Variants in LRP1B observed in about 807,000 individuals in gnomAD.
LRP1B encodes low-density lipoprotein receptor-related protein 1B.
In LRP1B, 217 loss-of-function variants were observed where a neutral mutation model predicts 556.6. The ratio of observed to expected loss-of-function variants is 0.39; its 90% CI spans 0.35 to 0.44. The LOEUF (loss-of-function observed/expected upper bound fraction) is 0.44. LRP1B is among the 20% of genes least tolerant of loss of function. LRP1B has a pLI of 1.00. For synonymous variants in LRP1B, 2,047 were observed against 1,865.8 expected, an observed-to-expected ratio of 1.10 and a Z score of -2.50; for missense variants, 5,053 against 5,620.8, an observed-to-expected ratio of 0.90 and a Z score of 3.23.
At chr2:141,644,843 GATCCATCT>G (rs1287851099) in intron 2 of LRP1B, among the ~76,000 whole-genome samples, 1 of 151,454 alleles carries the variant, frequency 6.6e-6, no homozygotes, top group Non-Finnish European at 1.5e-5. Context: ...CATTCCTCCT[GATCCATCT>G]ATCAGCATCA....
chr2:140,364,961 G>A (rs1558831530), intron 71 of LRP1B, among the ~76,000 whole-genome samples, 178 bp from the exon 72 acceptor site: 1 of 151,154 alleles, frequency 6.6e-6, no homozygotes, highest in African/African-American at 2.4e-5. Flanking sequence ...TTAATAACAT[G>A]TATTCATTGT....
At chr2:141,518,796 A>G (rs910086644) in intron 2 of LRP1B, among the ~76,000 whole-genome samples, 10 of 152,078 alleles carry the variant, frequency 6.6e-5, no homozygotes, top group African/African-American at 2.4e-4. Context: ...TAAAAATTCA[A>G]AAAATTAGCC....
intron 66 of LRP1B, among the ~76,000 whole-genome samples, chr2:140,410,744 A>G (rs1414037552): frequency 2.0e-5 from 3 of 152,152 alleles, no homozygotes; most frequent in African/African-American, 4.8e-5. Flanking sequence ...ATTACTACAA[A>G]CAGCAAAGAA....
chr2:140,674,669 C>T (rs956206682), intron 41 of LRP1B, among the ~76,000 whole-genome samples: 22 of 152,180 alleles, frequency 1.4e-4, no homozygotes, highest in African/African-American at 5.3e-4. Context: ...ATGTATAAAA[C>T]CACGCTGTAA....
intron 77 of LRP1B, among the ~76,000 whole-genome samples, chr2:140,338,871 C>A (rs1044230668): frequency 6.6e-6 from 1 of 151,576 alleles, no homozygotes; most frequent in African/African-American, 2.4e-5. Flanking sequence ...ATAAAAATTT[C>A]ACTTGCCCCA....
intron 79 of LRP1B, among the ~76,000 whole-genome samples, chr2:140,328,843 CAG>C (rs1338902561): frequency 6.6e-6 from 1 of 151,924 alleles, no homozygotes; most frequent in African/African-American, 2.4e-5. Context: ...CTATTTATGA[CAG>C]TGATGGTAAA....
intron 43 of LRP1B, among the ~76,000 whole-genome samples, chr2:140,594,845 CATT>C (rs1227682042): frequency 6.6e-6 from 1 of 151,854 alleles, no homozygotes; most frequent in Non-Finnish European, 1.5e-5. Context: ...CATTTTTTGA[CATT>C]ATAGAATGAA....
At position 140,700,315 on chromosome 2, in the gene LRP1B, T is replaced by C; in HGVS notation, c.6734A>G (p.Asp2245Gly). 1 of 1,612,770 alleles carries C rather than the reference T, an allele frequency of 6.2e-7. No individual in the cohort carries two copies. The highest frequency in any genetic ancestry group is 8.5e-7 in the Non-Finnish European group (1 of 1,179,158). ...RKGTNRIFYS[D>G]AHFGNIQLIK... ...AAGCTGTATATTTCCAAAGTGTGCA[T>C]CACTGTAAAAGATTCGGTTGGTACC... is the stretch of plus-strand genomic sequence containing the variant. The change falls in exon 41 of 91, where the codon GAT (aspartate) becomes GGT (glycine). Residue 2245 changes from aspartate (D) to glycine (G), a missense_variant. Around this residue, in one of 5 missense-constraint regions of LRP1B, gnomAD observed 3,619 missense variants for 3,931.9 expected, o/e 0.92. Transcript: ENST00000389484.
In LRP1B at chr2:141,090,136, G is replaced by A. The variant is rs546609644; in HGVS notation, c.1014-27863C>T. Among the ~76,000 whole-genome samples the A allele has an allele frequency of 8.5e-5, 13 of 152,256 alleles. No homozygotes were observed. The South Asian group carries it at 2.1e-3, about 24-fold the overall frequency. ...GTAATGTTGGCCAAGAACCCAACAGGGGGTTAGTGTTGATTGATTTGCATA... is the reference window on the plus strand; with the variant it reads ...GTAATGTTGGCCAAGAACCCAACAGAGGGTTAGTGTTGATTGATTTGCATA... On this transcript the variant is annotated intron_variant, in intron 7 of 90. Transcript: ENST00000389484.
chr2:141,306,674 C>T (rs1686600865), intron 3 of LRP1B, among the ~76,000 whole-genome samples: 1 of 151,874 alleles, frequency 6.6e-6, no homozygotes, highest in Non-Finnish European at 1.5e-5. Context: ...TTGGCTTGCT[C>T]TTGCTTTTCT....
intron 3 of LRP1B, among the ~76,000 whole-genome samples, chr2:141,379,009 A>T (rs1390809601): frequency 1.3e-5 from 2 of 152,324 alleles, no homozygotes; most frequent in East Asian, 3.9e-4. Flanking sequence ...TACACATTCA[A>T]GAAACCCAAC....
intron 21 of LRP1B, among the ~76,000 whole-genome samples, chr2:140,913,455 C>T (rs1694483343): frequency 6.6e-6 from 1 of 151,704 alleles, no homozygotes; most frequent in Admixed American, 6.6e-5. Flanking sequence ...TTTTGAACAG[C>T]GTTTTGAAGG....
At position 140,949,076 on chromosome 2, in the gene LRP1B, C is replaced by T. The variant is rs116342920; in HGVS notation, c.3136+1159G>A. ...ATCTGTGTAAAACACTTTGAAAATG[C>T]TTTCTTTTGCTCATGGAGTATATGA... On this transcript the variant is annotated intron_variant, in intron 20 of 90. Transcript: ENST00000389484. Among the ~76,000 whole-genome samples the T allele has an allele frequency of 3.1e-3, 478 of 152,258 alleles. 1 individual carries two copies. The highest frequency in any genetic ancestry group is 0.011 in the African/African-American group (453 of 41,576).
intron 7 of LRP1B, among the ~76,000 whole-genome samples, chr2:141,126,536 G>T (rs1701216567): frequency 6.6e-6 from 1 of 152,044 alleles, no homozygotes; most frequent in East Asian, 1.9e-4. Context: ...CTCAAGCCTG[G>T]AACTTCATTG....
chr2:141,371,936 G>A (rs534582828), intron 3 of LRP1B, among the ~76,000 whole-genome samples: 1 of 152,062 alleles, frequency 6.6e-6, no homozygotes, highest in Non-Finnish European at 1.5e-5. Context: ...GGGCATTCTT[G>A]TCATGTTTCA....
intron 1 of LRP1B, among the ~76,000 whole-genome samples, chr2:141,839,724 TGA>T (rs2105758179): frequency 6.6e-6 from 1 of 152,262 alleles, no homozygotes; most frequent in Non-Finnish European, 1.5e-5. Flanking sequence ...GAAATGAACC[TGA>T]ATGAGACTCT....
intron 22 of LRP1B, among the ~76,000 whole-genome samples, chr2:140,905,224 C>T (rs569110909): frequency 3.2e-4 from 49 of 152,126 alleles, no homozygotes; most frequent in Admixed American, 3.1e-3. Flanking sequence ...CCTCCACCGC[C>T]CCCCTCCCCA....
At chr2:141,683,166 G>C (rs1177493191) in intron 2 of LRP1B, among the ~76,000 whole-genome samples, 1 of 152,138 alleles carries the variant, frequency 6.6e-6, no homozygotes, top group African/African-American at 2.4e-5. Context: ...GTGGGGTGCT[G>C]CTGTCACAAA....
intron 7 of LRP1B, among the ~76,000 whole-genome samples, chr2:141,065,951 C>T (rs1447468125): frequency 3.3e-5 from 5 of 151,988 alleles, no homozygotes; most frequent in South Asian, 2.1e-4. Flanking sequence ...GATTGCAATA[C>T]TAATACTTTT....
Sources: allele counts gnomAD v4.1 joint callset (sites outside exome capture counted in the v4.1 genomes callset), GRCh38; gene constraint gnomAD v4.1.1; regional missense constraint gnomAD v4.1.1; transcripts MANE v1.5; gene names NCBI Gene and HGNC (gene_info 2026-07-23, HGNC 2026-07-21).